The following C19orf38 variants were observed in gnomAD, a reference collection of about 807,000 sequenced individuals.
C19orf38 encodes the protein chromosome 19 open reading frame 38.
C19orf38 carries 14 observed loss-of-function variants against 26.6 expected under a neutral mutation model. The observed-to-expected ratio is 0.53, with a 90% CI of 0.35 to 0.82. The LOEUF is 0.82. Ranked by LOEUF, C19orf38 falls within the 40% of genes least tolerant of loss-of-function variation. The pLI, the probability that C19orf38 is intolerant of heterozygous loss-of-function variation, is 0.01. For missense variants in C19orf38, 261 were observed against 299.5 expected (o/e 0.87, Z 0.95); for synonymous variants, 132 against 128.5 (o/e 1.03, Z -0.18).
intron 2 of C19orf38, among the ~76,000 whole-genome samples, chr19:10,852,430 G>A (rs75088899): frequency 0.037 from 5,638 of 152,302 alleles, 451 homozygotes; most frequent in East Asian, 0.36. Flanking sequence ...ATCCACCTGG[G>A]TGAGGATGTC....
At chr19:10,847,369 C>CTTTTT (rs918277367), upstream of C19orf38, among the ~76,000 whole-genome samples, 4 of 125,930 alleles carry the variant, frequency 3.2e-5, no homozygotes, top group South Asian at 2.5e-4. Flanking sequence ...GTCCACTGCT[C>CTTTTT]TTTTTTTTTT....
intron 2 of C19orf38, among the ~76,000 whole-genome samples, chr19:10,853,735 G>C (rs1005259209): frequency 1.3e-5 from 2 of 151,492 alleles, no homozygotes; most frequent in Non-Finnish European, 2.9e-5. Context: ...GGGACTACAG[G>C]CATGTGCCAC....
Position 10,866,376 on chromosome 19 carries a change from T to TG in C19orf38, c.544-2842_544-2841insG, listed in dbSNP as rs1488187835. Among the ~76,000 whole-genome samples, 6 of 150,484 alleles carry TG rather than the reference T, an allele frequency of 4.0e-5. No individual in the cohort carries two copies. In the East Asian group the frequency reaches 1.2e-3, roughly 29 times the overall value. On this transcript the variant is annotated intron_variant, in intron 6 of 6. Transcript: ENST00000397820. Reference sequence around the variant, plus strand: ...CAGCTAATTTTTTTTTTTTTTTTTTTTGTATTTTTAGTAGAAGCGGAGTTT... The same window carrying TG: ...CAGCTAATTTTTTTTTTTTTTTTTTTGTGTATTTTTAGTAGAAGCGGAGTTT...
chr19:10,867,195 C>G (rs8107400), intron 6 of C19orf38, among the ~76,000 whole-genome samples: 2 of 152,034 alleles, frequency 1.3e-5, no homozygotes, highest in Non-Finnish European at 2.9e-5. Flanking sequence ...GTGGATTTGC[C>G]TCTTCTGGAC....
chr19:10,855,643 C>G (rs1296812783), intron 2 of C19orf38, among the ~76,000 whole-genome samples: 1 of 152,232 alleles, frequency 6.6e-6, no homozygotes, highest in Non-Finnish European at 1.5e-5. Context: ...ATTCTCCTGC[C>G]TCAGCCTCCT....
At chr19:10,852,349 A>T (rs2073581753) in intron 2 of C19orf38, among the ~76,000 whole-genome samples, 5 of 152,158 alleles carry the variant, frequency 3.3e-5, no homozygotes. Context: ...CTGACATTCC[A>T]GGCGGATGAG....
chr19:10,844,559 AAAG>A (rs1318694574), upstream of C19orf38, among the ~76,000 whole-genome samples: 2 of 151,192 alleles, frequency 1.3e-5, no homozygotes, highest in Non-Finnish European at 3.0e-5. Context: ...TAAAAAAAAA[AAAG>A]AAAGGCCGGG....
intron 1 of C19orf38, among the ~76,000 whole-genome samples, chr19:10,839,278 GC>G (rs2073461829): frequency 6.6e-6 from 1 of 152,204 alleles, no homozygotes; most frequent in Non-Finnish European, 1.5e-5. Flanking sequence ...TGTTGGATAT[GC>G]CTGGCTCCCA....
intron 5 of C19orf38, among the ~76,000 whole-genome samples, chr19:10,861,017 C>A (rs1311974910): frequency 6.6e-6 from 1 of 151,732 alleles, no homozygotes; most frequent in Non-Finnish European, 1.5e-5. Context: ...GTGGCGTGTT[C>A]CTGTAGTCCC....
chr19:10,851,157 G>A (rs181555024), intron 2 of C19orf38, among the ~76,000 whole-genome samples: 2 of 152,278 alleles, frequency 1.3e-5, no homozygotes, highest in African/African-American at 2.4e-5. Context: ...TGGTTCAAGC[G>A]ATTCTTCTGC....
At chr19:10,844,288 C>T (rs557549797), upstream of C19orf38, among the ~76,000 whole-genome samples, 26 of 149,780 alleles carry the variant, frequency 1.7e-4, no homozygotes, top group East Asian at 4.7e-3. Flanking sequence ...GTGTAATCCC[C>T]GCTACTCAGG....
intron 3 of C19orf38, among the ~76,000 whole-genome samples, chr19:10,857,369 T>C (rs1223273073): frequency 8.4e-6 from 1 of 119,020 alleles, no homozygotes; most frequent in Non-Finnish European, 1.8e-5. Context: ...TATATATATT[T>C]TTTTTTTTTT....
intron 1 of C19orf38, among the ~76,000 whole-genome samples, chr19:10,837,470 CT>C (rs376072634): frequency 7.9e-5 from 5 of 63,180 alleles, no homozygotes; most frequent in Non-Finnish European, 1.4e-4. Flanking sequence ...GACTCCTTTT[CT>C]TTTTTTTCTT....
chr19:10,859,535 A>G (rs2073675710), intron 4 of C19orf38, among the ~76,000 whole-genome samples: 1 of 150,802 alleles, frequency 6.6e-6, no homozygotes, highest in South Asian at 2.1e-4. Flanking sequence ...GGCACATGCC[A>G]CCACACCTGG....
intron 1 of C19orf38, among the ~76,000 whole-genome samples, chr19:10,848,941 G>T (rs2146249835): frequency 6.6e-6 from 1 of 152,108 alleles, no homozygotes; most frequent in East Asian, 1.9e-4. Context: ...ACCTCACCTG[G>T]CCAGACACTC....
intron 1 of C19orf38, among the ~76,000 whole-genome samples, chr19:10,838,582 C>T (rs2073454888): frequency 6.6e-6 from 1 of 151,994 alleles, no homozygotes; most frequent in Admixed American, 6.6e-5. Context: ...TGAGTAACAC[C>T]CGGGGTCGTT....
At chr19:10,865,847 C>T (rs2073746026) in intron 6 of C19orf38, among the ~76,000 whole-genome samples, 1 of 151,998 alleles carries the variant, frequency 6.6e-6, no homozygotes, top group South Asian at 2.1e-4. Context: ...GGGTCTTGCT[C>T]TGTCTCCCAC....
At chr19:10,842,754 T>C (rs2073488052) in intron 1 of C19orf38, among the ~76,000 whole-genome samples, 1 of 151,788 alleles carries the variant, frequency 6.6e-6, no homozygotes, top group African/African-American at 2.4e-5. Context: ...AAAACCAGAA[T>C]TCCAGGTTGT....
chr19:10,839,215 C>T (rs1285754609), intron 1 of C19orf38, among the ~76,000 whole-genome samples: 1 of 152,034 alleles, frequency 6.6e-6, no homozygotes, highest in African/African-American at 2.4e-5. Context: ...CCATGTTGCC[C>T]ATTTCTTAGT....
Sources: gnomAD v4.1 joint callset for allele counts (sites outside exome capture counted in the v4.1 genomes callset) on GRCh38, gnomAD v4.1.1 for gene constraint, MANE v1.5 for transcripts, NCBI Gene and HGNC (gene_info 2026-07-23, HGNC 2026-07-21) for gene names.